The following STAM2 variants were observed in gnomAD, a reference collection of about 807,000 sequenced individuals.
The protein encoded by STAM2 is signal transducing adapter molecule 2.
In STAM2, 51 loss-of-function variants were observed where a neutral mutation model predicts 65.6. The ratio of observed to expected loss-of-function variants is 0.78; its 90% CI spans 0.62 to 0.98. The LOEUF is 0.98. Among genes scored for constraint, STAM2 ranks in the 50% least tolerant of loss-of-function variants. The probability of loss-of-function intolerance (pLI) is 0.00; values close to 1 mark genes in which losing one functional copy is unlikely to be tolerated. For synonymous variants in STAM2, 198 were observed against 208.4 expected (o/e 0.95, Z 0.43); for missense variants, 584 against 617.8 (o/e 0.95, Z 0.58).
intron 1 of STAM2, among the ~76,000 whole-genome samples, chr2:152,163,473 G>C (rs1216622182): frequency 3.4e-5 from 1 of 29,080 alleles, no homozygotes; most frequent in Admixed American, 5.1e-4. Flanking sequence ...TGTAAAAGAC[G>C]TGTGTTTGAA....
chr2:152,153,424 G>A (rs948188314), intron 1 of STAM2, among the ~76,000 whole-genome samples: 3 of 151,334 alleles, frequency 2.0e-5, no homozygotes, highest in African/African-American at 4.9e-5. Context: ...AAATGAACAG[G>A]CTTAGCAAAC....
chr2:152,156,983 T>C (rs901442547), intron 1 of STAM2, among the ~76,000 whole-genome samples: 1 of 152,070 alleles, frequency 6.6e-6, no homozygotes, highest in Admixed American at 6.5e-5. Context: ...AGGGAATGAA[T>C]AGCAGGCAGA....
At chr2:152,147,719 C>T (rs1689360487) in intron 4 of STAM2, among the ~76,000 whole-genome samples, 1 of 152,086 alleles carries the variant, frequency 6.6e-6, no homozygotes, top group Admixed American at 6.5e-5. Flanking sequence ...AATCTAACTT[C>T]CAAGAATCTA....
rs1423355115 is a variant in STAM2, at chr2:152,148,296, T to C, written c.130A>G (p.Lys44Glu). Residue 44 changes from lysine (K) to glutamate (E), a missense_variant, in exon 3 of 14, where the codon AAA (lysine) becomes GAA (glutamate). By Grantham distance (56) the Lys-to-Glu change is moderately conservative. Coordinates refer to ENST00000263904, the MANE Select transcript of STAM2 (RefSeq NM_005843.6). ...TTCATTATGGCTTTTAGGCAATCTTTCGCTCTAAAAAAAAAAAGAGAGAGA... is the reference window on the plus strand; with the variant it reads ...TTCATTATGGCTTTTAGGCAATCTTCCGCTCTAAAAAAAAAAAGAGAGAGA... ...DKVGSTPNGA[K>E]DCLKAIMKRV... 2 of 1,602,300 alleles carry C rather than the reference T, an allele frequency of 1.2e-6. No homozygotes were observed. The highest frequency in any genetic ancestry group is 1.7e-6 in the Non-Finnish European group (2 of 1,176,010).
chr2:152,162,412 A>T (rs1040820341), intron 1 of STAM2, among the ~76,000 whole-genome samples: 1 of 147,204 alleles, frequency 6.8e-6, no homozygotes, highest in Admixed American at 6.8e-5. Flanking sequence ...CTCACCTCTT[A>T]AAAAAAAAAA....
chr2:152,122,883 T>C (rs1688882838), intron 13 of STAM2, among the ~76,000 whole-genome samples: 1 of 151,882 alleles, frequency 6.6e-6, no homozygotes, highest in Non-Finnish European at 1.5e-5. Flanking sequence ...CTGGGCAACA[T>C]GGCGAAACCC....
chr2:152,141,985 A>G (rs1689257598), intron 7 of STAM2, among the ~76,000 whole-genome samples: 1 of 152,224 alleles, frequency 6.6e-6, no homozygotes, highest in Non-Finnish European at 1.5e-5. Context: ...CAAATTCCAC[A>G]AAAGTATAAA....
In STAM2 at chr2:152,126,355, C is replaced by T. The variant is rs755446266; in HGVS notation, c.1050G>A (p.Leu350=). ...CCAGAGCTTCCAGGACTTTAACATTCAATTCAGACAATTCTGAATGCTTCC... is the reference window on the plus strand; with the variant it reads ...CCAGAGCTTCCAGGACTTTAACATTTAATTCAGACAATTCTGAATGCTTCC... ...IDRKHSELSE[L]NVKVLEALEL... The change falls in exon 12 of 14, where the codon TTG becomes TTA. Residue 350 remains leucine, a synonymous_variant. Transcript: ENST00000263904. 20 of 1,573,752 alleles carry T rather than the reference C, an allele frequency of 1.3e-5. No individual in the cohort carries two copies. Among genetic ancestry groups the T allele is most frequent in the Non-Finnish European group, 1.5e-5 (18 of 1,161,960 alleles).
Position 152,117,132 on chromosome 2 carries a change from A to G in STAM2, c.*3442T>C, listed in dbSNP as rs1688762269. 1 of 152,212 alleles carries G rather than the reference A, an allele frequency of 6.6e-6. No individual in the cohort carries two copies. Among genetic ancestry groups the G allele is most frequent in the African/African-American group, 2.4e-5 (1 of 41,458 alleles). 9.4% of individuals were successfully genotyped at this position (152,212 alleles called of 1,614,324 possible). The stretch of plus-strand genomic sequence containing the variant: ...TTTTGACACAGTAAGATTTTAAAAA[A>G]AAGACTCTCAAACTTTAATTCAGCT... On this transcript the variant is annotated 3_prime_UTR_variant, in exon 14 of 14. Coordinates refer to ENST00000263904, the MANE Select transcript of STAM2 (RefSeq NM_005843.6).
chr2:152,151,332 C>T (rs1326697055), intron 1 of STAM2, among the ~76,000 whole-genome samples: 1 of 152,100 alleles, frequency 6.6e-6, no homozygotes, highest in Non-Finnish European at 1.5e-5. Context: ...CAGGCGCCTG[C>T]CACCACACTC....
intron 1 of STAM2, among the ~76,000 whole-genome samples, chr2:152,166,444 T>C (rs1476660789): frequency 1.3e-5 from 2 of 152,204 alleles, no homozygotes; most frequent in Non-Finnish European, 2.9e-5. Context: ...GAACTGATAG[T>C]TGTCAAGTAA....
intron 5 of STAM2, among the ~76,000 whole-genome samples, chr2:152,145,687 G>C (rs1404904574): frequency 3.3e-5 from 5 of 152,244 alleles, no homozygotes; most frequent in African/African-American, 1.2e-4. Context: ...AATGGGGACA[G>C]AGACAAGAGG....
In STAM2 at chr2:152,167,252, A is replaced by G. The variant is rs899125959; in HGVS notation, c.40+8351T>C. ...CTCCCTGAATGCAACAGAGATCGCCATAACAGGTCTCCATGGTGAAGAACT... is the reference window on the plus strand; with the variant it reads ...CTCCCTGAATGCAACAGAGATCGCCGTAACAGGTCTCCATGGTGAAGAACT... On this transcript the variant is annotated intron_variant, in intron 1 of 13. Coordinates refer to ENST00000263904, the MANE Select transcript of STAM2 (RefSeq NM_005843.6). Among the ~76,000 whole-genome samples, 4 of 152,224 alleles carry G rather than the reference A, an allele frequency of 2.6e-5. No homozygotes were observed. The East Asian group carries it at 5.8e-4, about 22-fold the overall frequency.
chr2:152,169,478 T>C (rs932550475), intron 1 of STAM2, among the ~76,000 whole-genome samples: 3 of 152,142 alleles, frequency 2.0e-5, no homozygotes, highest in Non-Finnish European at 4.4e-5. Flanking sequence ...GGTTTCATCA[T>C]GTTGCCCTGA....
At chr2:152,122,584 T>C (rs1165270228) in intron 13 of STAM2, among the ~76,000 whole-genome samples, 1 of 152,162 alleles carries the variant, frequency 6.6e-6, no homozygotes, top group African/African-American at 2.4e-5. Context: ...TGAACACTAA[T>C]ATAAACAGAT....
chr2:152,157,219 AAC>A (rs1477521517), intron 1 of STAM2, among the ~76,000 whole-genome samples: 2 of 152,192 alleles, frequency 1.3e-5, no homozygotes, highest in African/African-American at 4.8e-5. Flanking sequence ...GGGCTACACA[AAC>A]ACACTTGAGA....
intron 11 of STAM2, 41 bp downstream of exon 11, chr2:152,132,073 C>T: frequency 6.9e-7 from 1 of 1,459,736 alleles, no homozygotes; most frequent in South Asian, 1.2e-5. Flanking sequence ...CAAGTGAACC[C>T]CCCAAAACTA....
At chr2:152,169,588 G>A (rs1388921313) in intron 1 of STAM2, among the ~76,000 whole-genome samples, 1 of 151,924 alleles carries the variant, frequency 6.6e-6, no homozygotes, top group East Asian at 1.9e-4. Context: ...TAACCCAACA[G>A]AATAATAAAA....
rs1300655851 is a variant in STAM2, at chr2:152,143,913, T to C, written c.618A>G (p.Lys206=). The change falls in exon 7 of 14, where the codon AAA becomes AAG. Residue 206 remains lysine, a synonymous_variant. Coordinates refer to ENST00000263904, the MANE Select transcript of STAM2 (RefSeq NM_005843.6). ...EIQLNNKVAR[K]VRALYDFEAV... Reference sequence around the variant, plus strand: ...CTTCAAAATCATATAAAGCTCTCACTTTCCGTGCAACCTTATTATTTAACT... The same window carrying C: ...CTTCAAAATCATATAAAGCTCTCACCTTCCGTGCAACCTTATTATTTAACT... The C allele has an allele frequency of 1.9e-6, 3 of 1,613,818 alleles. No individual in the cohort carries two copies. Among genetic ancestry groups the C allele is most frequent in the South Asian group, 2.2e-5 (2 of 91,048 alleles).
Sources: gnomAD v4.1 joint callset for allele counts (sites outside exome capture counted in the v4.1 genomes callset) on GRCh38, gnomAD v4.1.1 for gene constraint, MANE v1.5 for transcripts, NCBI Gene and HGNC (gene_info 2026-07-23, HGNC 2026-07-21) for gene names.